Variants in ITIH6 observed in about 807,000 individuals in gnomAD.
The protein encoded by ITIH6 is inter-alpha-trypsin inhibitor heavy chain H6.
Under a neutral mutation model 58.2 loss-of-function variants are expected in ITIH6, and 60 were observed. The ratio of observed to expected loss-of-function variants is 1.03; its 90% confidence interval spans 0.84 to 1.28. The LOEUF (loss-of-function observed/expected upper bound fraction) is 1.28. ITIH6 is among the 50% of genes most tolerant of loss of function. The pLI, the probability that ITIH6 is intolerant of heterozygous loss-of-function variation, is 0.00. For missense variants in ITIH6, 1,290 were observed against 1,021.1 expected (o/e 1.26, Z -3.59); for synonymous variants, 493 against 417.4 (o/e 1.18, Z -2.21).
intron 6 of ITIH6, among the ~76,000 whole-genome samples, chrX:54,762,857 T>A (rs1413229248): frequency 8.9e-6 from 1 of 112,355 alleles, no homozygotes. Flanking sequence ...TAGGATCTAC[T>A]ATTAGGTATC....
chrX:54,769,197 A>C (rs1324944039), intron 6 of ITIH6, among the ~76,000 whole-genome samples: 49 of 84,231 alleles, frequency 5.8e-4, no homozygotes, highest in Middle Eastern at 5.3e-3. Flanking sequence ...TGCATTCTTC[A>C]CGTAGTTCTC....
At chrX:54,755,906 G>C (rs143467366) in intron 8 of ITIH6, among the ~76,000 whole-genome samples, 1,214 of 111,138 alleles carry the variant, frequency 0.011, 26 homozygotes, top group African/African-American at 0.038. Flanking sequence ...AGTGATTTGT[G>C]TCTTTAAAGG....
intron 6 of ITIH6, among the ~76,000 whole-genome samples, chrX:54,762,856 C>G (rs775325627): frequency 8.9e-6 from 1 of 112,286 alleles, no homozygotes; most frequent in East Asian, 2.8e-4. Flanking sequence ...GTAGGATCTA[C>G]TATTAGGTAT....
intron 7 of ITIH6, among the ~76,000 whole-genome samples, 175 bp downstream of exon 7, chrX:54,759,581 C>G (rs1928591879): frequency 8.9e-6 from 1 of 111,915 alleles, no homozygotes; most frequent in Non-Finnish European, 1.9e-5. Context: ...GCTCTTTCTA[C>G]AAGGAAAGGG....
In ITIH6 at chrX:54,791,599, C is replaced by T. The variant is rs140016797; in HGVS notation, c.368+327G>A. Among the ~76,000 whole-genome samples, 421 of 111,036 alleles carry T rather than the reference C, an allele frequency of 3.8e-3. 2 individuals carry two copies. Among genetic ancestry groups the T allele is most frequent in the African/African-American group, 0.013 (401 of 30,494 alleles). ...TGAAGGAAGACAATACATTTCTGCC[C>T]GCTGAATGGAACTCAGGAAACAAAA... is the stretch of plus-strand genomic sequence containing the variant. On this transcript the variant is annotated intron_variant, in intron 3 of 12. Coordinates refer to ENST00000218436, the MANE Select transcript of ITIH6 (RefSeq NM_198510.3).
At chrX:54,779,151 G>T (rs1421842352) in intron 5 of ITIH6, among the ~76,000 whole-genome samples, 1 of 112,283 alleles carries the variant, frequency 8.9e-6, no homozygotes, top group Non-Finnish European at 1.9e-5. Context: ...ACTTGAATCA[G>T]ACAGTAAAGG....
intron 5 of ITIH6, among the ~76,000 whole-genome samples, chrX:54,783,802 G>A (rs1434928210): frequency 8.9e-6 from 1 of 111,764 alleles, no homozygotes; most frequent in Middle Eastern, 4.6e-3. Context: ...TATCAAAATC[G>A]CAATGACATT....
chrX:54,768,521 G>A (rs371868368), intron 6 of ITIH6, among the ~76,000 whole-genome samples: 33 of 98,154 alleles, frequency 3.4e-4, no homozygotes, highest in African/African-American at 1.2e-3. Context: ...ATTTTGCAGC[G>A]GCTGGTACCG....
chrX:54,779,665 A>T (rs1358030283), intron 5 of ITIH6, among the ~76,000 whole-genome samples: 1 of 111,517 alleles, frequency 9.0e-6, no homozygotes, highest in Non-Finnish European at 1.9e-5. Context: ...ACCAATAACA[A>T]AATGGCAGGA....
At position 54,749,798 on chromosome X, in the gene ITIH6, G is replaced by T. The variant is rs1928313649; in HGVS notation, c.*97C>A. 1.4e-5 allele frequency: 9 copies of T among 642,533 alleles called. No homozygotes were observed. Among genetic ancestry groups the T allele is most frequent in the East Asian group, 3.5e-5 (1 of 28,540 alleles). 53.0% of individuals were successfully genotyped at this position (642,533 alleles called of 1,213,427 possible). A position where few individuals can be genotyped will look rare whatever the true frequency, so the allele number is the denominator to read the frequency against. Reference sequence around the variant, plus strand: ...CGTGAGTCTGTGTGTCCCTGTGTGTGCTTCCATGTCCTTGGGTCTCTGTCC... The same window carrying T: ...CGTGAGTCTGTGTGTCCCTGTGTGTTCTTCCATGTCCTTGGGTCTCTGTCC... On this transcript the variant is annotated 3_prime_UTR_variant, in exon 13 of 13. Coordinates refer to ENST00000218436, the MANE Select transcript of ITIH6 (RefSeq NM_198510.3).
intron 1 of ITIH6, 49 bp from the exon 2 acceptor site, chrX:54,797,145 C>G (rs1259088500): frequency 1.8e-6 from 2 of 1,091,334 alleles, no homozygotes; most frequent in Non-Finnish European, 2.5e-6. Flanking sequence ...ATGTCCTCAG[C>G]CTAGATGGGC....
chrX:54,756,801 A>G (rs927510630), intron 8 of ITIH6, among the ~76,000 whole-genome samples, 164 bp downstream of exon 8: 1 of 107,696 alleles, frequency 9.3e-6, no homozygotes, highest in East Asian at 2.9e-4. Flanking sequence ...TAACTTGTCC[A>G]AAGTCCCAAA....
At chrX:54,768,553 T>C (rs1602058937) in intron 6 of ITIH6, among the ~76,000 whole-genome samples, 1 of 105,548 alleles carries the variant, frequency 9.5e-6, no homozygotes. Flanking sequence ...CCATGTTTAG[T>C]GCTTCCTTCA....
In ITIH6 at chrX:54,751,397, G is replaced by A. The variant is rs1049772564; in HGVS notation, c.3353-17C>T. 6 of 1,205,903 alleles carry A rather than the reference G, an allele frequency of 5.0e-6. No individual in the cohort carries two copies. The highest frequency in any genetic ancestry group is 6.7e-6 in the Non-Finnish European group (6 of 891,851). On this transcript the variant is annotated splice_polypyrimidine_tract_variant and intron_variant, in intron 11 of 12. Coordinates refer to ENST00000218436, the MANE Select transcript of ITIH6 (RefSeq NM_198510.3). ...CATGCAGCCCTGGAGGGAGGGGAGT[G>A]TGGGCCTGGAGCGGGGGCTTTTGCA...
At position 54,757,215 on chromosome X, in the gene ITIH6, G is replaced by C; in HGVS notation, c.2859C>G (p.Thr953=). Residue 953 remains threonine, a synonymous_variant, in exon 8 of 13, where the codon ACC becomes ACG. Coordinates refer to ENST00000218436, the MANE Select transcript of ITIH6 (RefSeq NM_198510.3). ...QYDLLPGPQR[T]RQVLGPSRPG... ...GCCTAGATGGTCCCAGAACTTGCCTGGTCCTCTGGGGACCCGGGAGGAGGT... is the reference window on the plus strand; with the variant it reads ...GCCTAGATGGTCCCAGAACTTGCCTCGTCCTCTGGGGACCCGGGAGGAGGT... The C allele has an allele frequency of 8.3e-7, 1 of 1,198,500 alleles. No individual in the cohort carries two copies. The highest frequency in any genetic ancestry group is 1.1e-6 in the Non-Finnish European group (1 of 888,199).
At chrX:54,797,145 C>A in intron 1 of ITIH6, 49 bp from the exon 2 acceptor site, 1 of 1,091,332 alleles carries the variant, frequency 9.2e-7, no homozygotes, top group Non-Finnish European at 1.3e-6. Flanking sequence ...ATGTCCTCAG[C>A]CTAGATGGGC....
rs1928510247 is a variant in ITIH6 at position 54,757,218 on chromosome X, C to T, written c.2856G>A (p.Arg952=). ...TAGATGGTCCCAGAACTTGCCTGGT[C>T]CTCTGGGGACCCGGGAGGAGGTCAT... The part of the protein sequence containing the change: ...HQYDLLPGPQ[R]TRQVLGPSRP... The change falls in exon 8 of 13, where the codon AGG becomes AGA. Residue 952 remains arginine (R), a synonymous_variant. Coordinates refer to ENST00000218436, the MANE Select transcript of ITIH6 (RefSeq NM_198510.3). 1 of 1,198,099 alleles carries T rather than the reference C, an allele frequency of 8.3e-7. No homozygotes were observed. Among genetic ancestry groups the T allele is most frequent in the Non-Finnish European group, 1.1e-6 (1 of 887,987 alleles).
At position 54,758,936 on chromosome X, in the gene ITIH6, G is replaced by C. The variant is rs200176802; in HGVS notation, c.1138C>G (p.Pro380Ala). The C allele has an allele frequency of 5.0e-6, 6 of 1,201,133 alleles. No homozygotes were observed. Among genetic ancestry groups the C allele is most frequent in the South Asian group, 1.8e-5 (1 of 55,036 alleles). The change falls in exon 8 of 13, where the codon CCT becomes GCT. Residue 380 changes from proline to alanine, a missense_variant. By Grantham distance (27) the Pro-to-Ala change is conservative (BLOSUM62 -1). Coordinates refer to ENST00000218436, the MANE Select transcript of ITIH6 (RefSeq NM_198510.3). ...CTCCCCACACTGGGGCCCCTCCCAG[G>C]CTCCTGGTTGCTATGGTTCAGCACT... is the stretch of plus-strand genomic sequence containing the variant. ...ASVLNHSNQEPGRGPSVGRIP... is the reference protein window; with the variant it reads ...ASVLNHSNQEAGRGPSVGRIP...
rs1245104396 is a variant in ITIH6, at chrX:54,757,637, A to G, written c.2437T>C (p.Ser813Pro). 6.6e-6 allele frequency: 8 copies of G among 1,211,246 alleles called. No individual in the cohort carries two copies. Among genetic ancestry groups the G allele is most frequent in the Non-Finnish European group, 8.9e-6 (8 of 895,370 alleles). The part of the protein sequence containing the change: ...KGLPQSRPGV[S>P]TLQVPKYPLH... ...GGGTACTTGGGAACCTGAAGTGTAG[A>G]GACTCCAGGTCTTGACTGTGGCAGG... Residue 813 changes from serine (S) to proline (P), a missense_variant, in exon 8 of 13, where the codon TCT (serine) becomes CCT (proline). Coordinates refer to ENST00000218436, the MANE Select transcript of ITIH6 (RefSeq NM_198510.3).
Sources: allele counts gnomAD v4.1 joint callset (sites outside exome capture counted in the v4.1 genomes callset), GRCh38; gene constraint gnomAD v4.1.1; transcripts MANE v1.5; gene names NCBI Gene and HGNC (gene_info 2026-07-23, HGNC 2026-07-21).